The following GRAMD1C variants were observed in gnomAD, a reference collection of about 807,000 sequenced individuals.
The protein encoded by GRAMD1C is GRAM domain containing 1C, also known as protein Aster-C.
In GRAMD1C, 89 loss-of-function variants were observed where a neutral mutation model predicts 97.8. The ratio of observed to expected loss-of-function variants is 0.91; its 90% CI spans 0.77 to 1.09. The LOEUF (loss-of-function observed/expected upper bound fraction) is 1.09. Among genes scored for constraint, GRAMD1C ranks in the 50% least tolerant of loss-of-function variants. The pLI is 0.00. For missense variants in GRAMD1C, 740 were observed against 766.4 expected, an observed-to-expected ratio of 0.97 and a Z score of 0.41; for synonymous variants, 256 against 267.0, an observed-to-expected ratio of 0.96 and a Z score of 0.40.
At chr3:113,923,294 C>T (rs1937124840) in intron 10 of GRAMD1C, among the ~76,000 whole-genome samples, 1 of 152,090 alleles carries the variant, frequency 6.6e-6, no homozygotes, top group African/African-American at 2.4e-5. Flanking sequence ...TTAGGACTTC[C>T]AGTACTATGT....
chr3:113,844,188 G>A (rs1245699921), intron 1 of GRAMD1C, among the ~76,000 whole-genome samples: 2 of 152,164 alleles, frequency 1.3e-5, no homozygotes, highest in Non-Finnish European at 2.9e-5. Context: ...CAGCATTTCT[G>A]GAGGCTGAGG....
At chr3:113,885,933 G>T (rs2107409314) in intron 6 of GRAMD1C, 1 of 1,612,726 alleles carries the variant, frequency 6.2e-7, no homozygotes, top group Non-Finnish European at 8.5e-7. Flanking sequence ...CAGCGACACA[G>T]CCCTTCTCAA....
intron 11 of GRAMD1C, among the ~76,000 whole-genome samples, chr3:113,932,653 A>C (rs1937480079): frequency 6.6e-6 from 1 of 152,174 alleles, no homozygotes. Context: ...CTAAAGGAAA[A>C]AATAATTTGC....
intron 6 of GRAMD1C, among the ~76,000 whole-genome samples, chr3:113,900,294 G>A (rs994315997): frequency 4.0e-5 from 6 of 151,314 alleles, no homozygotes; most frequent in African/African-American, 7.3e-5. Context: ...GGGAGGTGAA[G>A]GTTGCAGTGA....
At position 113,882,760 on chromosome 3, in the gene GRAMD1C, C is replaced by A; in HGVS notation, c.468C>A (p.Phe156Leu). ...QIVTESEKFF[F>L]TSFGARDRSY... ...ATTATTTTTCTTTGCAGTTTTTCTT[C>A]ACATCTTTTGGTGCCAGGGATAGAA... Residue 156 changes from phenylalanine (F) to leucine (L), a missense_variant, in exon 6 of 18, where the codon TTC (phenylalanine) becomes TTA (leucine). Transcript: ENST00000358160. 6.4e-7 allele frequency: 1 copy of A among 1,573,618 alleles called. No homozygotes were observed. Among genetic ancestry groups the A allele is most frequent in the Non-Finnish European group, 8.7e-7 (1 of 1,143,502 alleles).
intron 10 of GRAMD1C, among the ~76,000 whole-genome samples, chr3:113,916,289 AT>A (rs1936807879): frequency 6.6e-6 from 1 of 152,220 alleles, no homozygotes; most frequent in South Asian, 2.1e-4. Flanking sequence ...TGTACTCTGA[AT>A]GACGTACTAC....
At chr3:113,929,531 T>C (rs954238001) in intron 10 of GRAMD1C, among the ~76,000 whole-genome samples, 1 of 152,222 alleles carries the variant, frequency 6.6e-6, no homozygotes, top group African/African-American at 2.4e-5. Context: ...CATCTTTAAA[T>C]TTTGTTTCTG....
chr3:113,872,396 T>C lies in GRAMD1C; in HGVS notation c.259+2805T>C, dbSNP rs1376054803. 1.7e-3 allele frequency among the ~76,000 whole-genome samples: 232 copies of C among 137,544 alleles called. 2 individuals are homozygous for C. The highest frequency in any genetic ancestry group is 9.0e-3 in the South Asian group (39 of 4,340). The allele number at this position is 137,544 out of a possible 152,430, so 90.2% of individuals were successfully genotyped here. A position where few individuals can be genotyped will look rare whatever the true frequency, so the allele number is the denominator to read the frequency against. ...TCCACTTCATTCTTTTTTTTCTTTT[T>C]TTTTTTTTTTTTTTTTGAGATAGAG... On this transcript the variant is annotated intron_variant, in intron 3 of 17. Transcript: ENST00000358160.
chr3:113,858,566 T>C (rs1934245023), intron 2 of GRAMD1C, among the ~76,000 whole-genome samples: 1 of 152,020 alleles, frequency 6.6e-6, no homozygotes, highest in South Asian at 2.1e-4. Flanking sequence ...GGCTAATTTT[T>C]TTGTGTTTTA....
chr3:113,907,827 C>T (rs1202573987), intron 8 of GRAMD1C, among the ~76,000 whole-genome samples: 1 of 152,098 alleles, frequency 6.6e-6, no homozygotes, highest in Non-Finnish European at 1.5e-5. Flanking sequence ...ACTTAATTTG[C>T]AACAAGAGGA....
intron 10 of GRAMD1C, 47 bp from the exon 11 acceptor site, chr3:113,930,667 C>A: frequency 1.0e-6 from 1 of 957,260 alleles, no homozygotes; most frequent in African/African-American, 1.6e-5. Flanking sequence ...TAATGTCATA[C>A]TGTTTAAGTT....
At chr3:113,930,681 A>G (rs1937380399) in intron 10 of GRAMD1C, 33 bp from the exon 11 acceptor site, 2 of 1,100,388 alleles carry the variant, frequency 1.8e-6, no homozygotes, top group Non-Finnish European at 2.8e-6. Context: ...TTAAGTTTCT[A>G]GAACTAACTC....
Position 113,852,241 on chromosome 3 carries a change from A to C in GRAMD1C, c.174+7592A>C, listed in dbSNP as rs1258456833. ...ACATACTTTGGCAACTGGGGAGAAT[A>C]GGTTTCCTGTAATCATGTTGTCCTC... On this transcript the variant is annotated intron_variant, in intron 2 of 17. Transcript: ENST00000358160. Among the ~76,000 whole-genome samples the C allele has an allele frequency of 2.0e-5, 3 of 152,290 alleles. No homozygotes were observed. In the East Asian group the frequency reaches 5.8e-4, roughly 29 times the overall value.
At chr3:113,945,303 TTAAG>T (rs1238309789) in intron 17 of GRAMD1C, 91 bp from the exon 18 acceptor site, 18 of 734,156 alleles carry the variant, frequency 2.5e-5, no homozygotes, top group East Asian at 7.7e-5. Context: ...CAAAACTATA[TTAAG>T]TGTCACTGTA....
At chr3:113,892,370 G>T (rs943950319) in intron 6 of GRAMD1C, among the ~76,000 whole-genome samples, 1 of 152,282 alleles carries the variant, frequency 6.6e-6, no homozygotes, top group South Asian at 2.1e-4. Flanking sequence ...TACTCGGGAG[G>T]CTGAGGCAGG....
chr3:113,852,537 G>A (rs566880645), intron 2 of GRAMD1C, among the ~76,000 whole-genome samples: 1 of 152,090 alleles, frequency 6.6e-6, no homozygotes, highest in Non-Finnish European at 1.5e-5. Context: ...AGCAATGCTG[G>A]ATGAAATGTT....
intron 1 of GRAMD1C, among the ~76,000 whole-genome samples, chr3:113,840,083 C>T (rs1003456335): frequency 5.9e-5 from 9 of 152,160 alleles, no homozygotes; most frequent in Non-Finnish European, 1.2e-4. Flanking sequence ...TCTTCTGCCT[C>T]AGACTCCCCA....
At chr3:113,908,833 A>G (rs1936460209) in intron 8 of GRAMD1C, 125 bp from the exon 9 acceptor site, 3 of 586,508 alleles carry the variant, frequency 5.1e-6, no homozygotes, top group African/African-American at 2.0e-5. Flanking sequence ...CAAGTATAAC[A>G]AACAAAATGC....
intron 2 of GRAMD1C, among the ~76,000 whole-genome samples, chr3:113,857,500 C>T (rs1436623216): frequency 4.0e-5 from 6 of 151,862 alleles, no homozygotes; most frequent in South Asian, 2.1e-4. Context: ...CTCAGCCTCC[C>T]GAGTAGCTGG....
Sources: allele counts gnomAD v4.1 joint callset (sites outside exome capture counted in the v4.1 genomes callset), GRCh38; gene constraint gnomAD v4.1.1; transcripts MANE v1.5; gene names NCBI Gene and HGNC (gene_info 2026-07-23, HGNC 2026-07-21).